The following SDK1 variants were observed in gnomAD, a reference collection of about 807,000 sequenced individuals.
The protein encoded by SDK1 is sidekick cell adhesion molecule 1.
Under a neutral mutation model 245.5 loss-of-function variants are expected in SDK1, and 157 were observed. That is an observed-to-expected ratio of 0.64 (90% confidence interval 0.56 to 0.73). The LOEUF (loss-of-function observed/expected upper bound fraction) is 0.73, where lower values mean the gene tolerates loss of function less well. Ranked by LOEUF, SDK1 falls within the 30% of genes least tolerant of loss-of-function variation. The probability of loss-of-function intolerance (pLI) is 0.00; values close to 1 mark genes in which losing one functional copy is unlikely to be tolerated. For synonymous variants in SDK1, 1,647 were observed against 1,278.5 expected (o/e 1.29, Z -6.15); for missense variants, 3,583 against 3,002.3 (o/e 1.19, Z -4.52).
rs182119133 is a variant in SDK1, at chr7:3,323,110, C to A, written c.298+21226C>A. ...AACCAATGCACCAGACCAGGTTTTG[C>A]CCTTTTGTTTGCAGGTCCCTTTAAC... On this transcript the variant is annotated intron_variant, in intron 1 of 44. Transcript: ENST00000404826. Among the ~76,000 whole-genome samples the A allele has an allele frequency of 5.7e-4, 86 of 152,208 alleles. No homozygotes were observed. In the Middle Eastern group the frequency reaches 0.014, roughly 24 times the overall value.
intron 32 of SDK1, among the ~76,000 whole-genome samples, chr7:4,163,098 G>C (rs1781265946): frequency 1.3e-5 from 2 of 152,222 alleles, no homozygotes. Flanking sequence ...CGAGGGCAGA[G>C]TCAAAGTTTC....
At chr7:3,588,083 T>G (rs1039442066) in intron 1 of SDK1, among the ~76,000 whole-genome samples, 3 of 152,198 alleles carry the variant, frequency 2.0e-5, no homozygotes, top group Non-Finnish European at 2.9e-5. Flanking sequence ...GGTCAATCTT[T>G]GGTGGATCTA....
At chr7:3,580,996 C>CAAAAAAAAAAAAAAAAAAAAAAAAAAAAA (rs1418335916) in intron 1 of SDK1, among the ~76,000 whole-genome samples, 3 of 92,966 alleles carry the variant, frequency 3.2e-5, no homozygotes, top group African/African-American at 4.4e-5. Context: ...AAAAAAAAAC[C>CAAAAAAAAAAAAAAAAAAAAAAAAAAAAA]AAAACAAAAC....
chr7:3,693,560 T>G (rs1172404789), intron 4 of SDK1, among the ~76,000 whole-genome samples: 1 of 152,218 alleles, frequency 6.6e-6, no homozygotes, highest in Non-Finnish European at 1.5e-5. Flanking sequence ...CTTTGATATG[T>G]TTTTTTCATA....
chr7:3,975,325 G>A (rs1028703103), intron 13 of SDK1, among the ~76,000 whole-genome samples: 1 of 152,206 alleles, frequency 6.6e-6, no homozygotes, highest in Admixed American at 6.5e-5. Flanking sequence ...CATCAAGGCA[G>A]TGGCCAGCTC....
intron 4 of SDK1, among the ~76,000 whole-genome samples, chr7:3,788,904 A>G (rs1331054048): frequency 6.6e-6 from 1 of 152,130 alleles, no homozygotes. Context: ...TCCTGAGAAG[A>G]AGACCTGGGC....
chr7:3,945,899 T>TAAAAAAAAAAAAAAAAAAAAA lies in SDK1; in HGVS notation c.848-5010_848-4990dup, dbSNP rs754101246. On this transcript the variant is annotated intron_variant, in intron 5 of 44. Coordinates refer to ENST00000404826, the MANE Select transcript of SDK1 (RefSeq NM_152744.4). ...GGGCAACAGAGCAAGACTCTGTCTG[T>TAAAAAAAAAAAAAAAAAAAAA]AAAAAAAAAAAAAAAAAAAAAAAAA... is the stretch of plus-strand genomic sequence containing the variant. Among the ~76,000 whole-genome samples the TAAAAAAAAAAAAAAAAAAAAA allele has an allele frequency of 2.2e-4, 3 of 13,678 alleles. 1 individual carries two copies. Among genetic ancestry groups the TAAAAAAAAAAAAAAAAAAAAA allele is most frequent in the Non-Finnish European group, 3.3e-4 (2 of 6,054 alleles). The allele number at this position is 13,678 out of a possible 152,430, so 9.0% of individuals were successfully genotyped here.
At chr7:3,682,814 CT>C (rs1217584310) in intron 4 of SDK1, among the ~76,000 whole-genome samples, 1 of 151,944 alleles carries the variant, frequency 6.6e-6, no homozygotes, top group African/African-American at 2.4e-5. Context: ...TCTCAGCTCA[CT>C]GCAACCCCCA....
At chr7:3,889,673 A>G (rs1381872572) in intron 5 of SDK1, among the ~76,000 whole-genome samples, 1 of 152,036 alleles carries the variant, frequency 6.6e-6, no homozygotes, top group Non-Finnish European at 1.5e-5. Flanking sequence ...TCGCCTGGCT[A>G]ATTTTTTTGT....
In SDK1 at chr7:4,174,237, A is replaced by G; in HGVS notation, c.4816A>G (p.Ser1606Gly). Residue 1606 changes from serine (S) to glycine (G), a missense_variant, in exon 33 of 45, where the codon AGC (serine) becomes GGC (glycine). Transcript: ENST00000404826. Reference sequence around the variant, plus strand: ...GTCTTTGCAGCCTCCGAGGGACGAAAGCCTGAATGGCCTTCTTCAGGGATA... The same window carrying G: ...GTCTTTGCAGCCTCCGAGGGACGAAGGCCTGAATGGCCTTCTTCAGGGATA... Reference protein sequence around the residue: ...LIQWQPPRDESLNGLLQGYRI... With the variant: ...LIQWQPPRDEGLNGLLQGYRI... 6.2e-7 allele frequency: 1 copy of G among 1,614,050 alleles called. No individual in the cohort carries two copies. Among genetic ancestry groups the G allele is most frequent in the Middle Eastern group, 1.7e-4 (1 of 6,060 alleles).
At chr7:3,767,453 TAAAA>T (rs145315812) in intron 4 of SDK1, among the ~76,000 whole-genome samples, 2 of 152,140 alleles carry the variant, frequency 1.3e-5, no homozygotes, top group African/African-American at 2.4e-5. Context: ...GTAAGGCTTT[TAAAA>T]AAATTGTTTT....
intron 1 of SDK1, among the ~76,000 whole-genome samples, chr7:3,498,101 T>G (rs915880724): frequency 6.6e-6 from 1 of 152,236 alleles, no homozygotes; most frequent in Non-Finnish European, 1.5e-5. Context: ...ACATTTAATT[T>G]GAAGTTTCAA....
At position 4,178,580 on chromosome 7, in the gene SDK1, G is replaced by T; in HGVS notation, c.5092G>T (p.Glu1698Ter). The change falls in exon 35 of 45, where the codon GAG becomes TAG. Residue 1698 changes from glutamate (E) to a stop codon, truncating the protein, a stop_gained. Coordinates refer to ENST00000404826, the MANE Select transcript of SDK1 (RefSeq NM_152744.4). LOFTEE classifies it high-confidence loss of function. The stretch of plus-strand genomic sequence containing the variant: ...CGCGCCCGTGGAGGTCTTTGTCGGC[G>T]AGGCTGGTAAGCTCCGTGCACCCCC... ...ASAPVEVFVG[E>*]AAPAMAPQNV... 6.2e-7 allele frequency: 1 copy of T among 1,609,956 alleles called. No individual in the cohort carries two copies.
At chr7:3,729,386 G>C (rs1273698145) in intron 4 of SDK1, among the ~76,000 whole-genome samples, 2 of 152,200 alleles carry the variant, frequency 1.3e-5, no homozygotes, top group African/African-American at 4.8e-5. Context: ...TATTGGTCGA[G>C]GGGGAGGATT....
chr7:3,301,616 C>CGGT lies in SDK1; in HGVS notation c.33_35dup (p.Gly16dup), dbSNP rs1353897798. 7.2e-6 allele frequency: 7 copies of CGGT among 975,440 alleles called. No individual in the cohort carries two copies. The African/African-American group carries it at 1.3e-4, about 18-fold the overall frequency. 60.4% of individuals were successfully genotyped at this position (975,440 alleles called of 1,614,324 possible). ...CCCGGGGCGCCCGGCCCTCGGCGGC[C>CGGT]GGTGGCGGCGGCGGCGGCGCGGAGC... is the stretch of plus-strand genomic sequence containing the variant. On this transcript the variant is annotated inframe_insertion, in exon 1 of 45. Transcript: ENST00000404826.
intron 43 of SDK1, among the ~76,000 whole-genome samples, chr7:4,242,767 G>A (rs551178803): frequency 6.6e-6 from 1 of 152,308 alleles, no homozygotes; most frequent in South Asian, 2.1e-4. Context: ...CAGACCCCAG[G>A]GTTTCCTCTT....
At chr7:3,655,987 G>T (rs1407385091) in intron 4 of SDK1, among the ~76,000 whole-genome samples, 1 of 152,174 alleles carries the variant, frequency 6.6e-6, no homozygotes, top group Non-Finnish European at 1.5e-5. Flanking sequence ...TGGAAACCCT[G>T]TCTAAACCGT....
intron 1 of SDK1, among the ~76,000 whole-genome samples, chr7:3,521,606 G>C (rs984388031): frequency 2.0e-5 from 3 of 152,142 alleles, no homozygotes; most frequent in African/African-American, 4.8e-5. Context: ...AAATAGCAAA[G>C]GCCTTATAGA....
rs780079232 is a variant in SDK1 at position 3,790,906 on chromosome 7, A to G, written c.714-30544A>G. ...TATTCATTTTGGGGGCAGAAGCTAA[A>G]GTGTGTAGAAATTAACTTGACAGTA... On this transcript the variant is annotated intron_variant, in intron 4 of 44. Coordinates refer to ENST00000404826, the MANE Select transcript of SDK1 (RefSeq NM_152744.4). Among the ~76,000 whole-genome samples the G allele has an allele frequency of 6.4e-4, 97 of 152,222 alleles. 1 individual carries two copies. Among genetic ancestry groups the G allele is most frequent in the Middle Eastern group, 3.4e-3 (1 of 294 alleles).
Sources: gnomAD v4.1 joint callset for allele counts (sites outside exome capture counted in the v4.1 genomes callset) on GRCh38, gnomAD v4.1.1 for gene constraint, MANE v1.5 for transcripts, NCBI Gene and HGNC (gene_info 2026-07-23, HGNC 2026-07-21) for gene names.